WDR86: variants seen among roughly 807,000 people sequenced by gnomAD.
The protein encoded by WDR86 is WD repeat-containing protein 86.
WDR86 carries 30 observed loss-of-function variants against 36.5 expected under a neutral mutation model. The ratio of observed to expected loss-of-function variants is 0.82; its 90% CI spans 0.61 to 1.11. The LOEUF is 1.11. WDR86 is among the 50% of genes most tolerant of loss of function. The pLI, the probability that WDR86 is intolerant of heterozygous loss-of-function variation, is 0.00. For missense variants in WDR86, 545 were observed against 561.2 expected (o/e 0.97, Z 0.29); for synonymous variants, 255 against 252.9 (o/e 1.01, Z -0.08).
At chr7:151,370,733 C>G in the WDR86 span, among the ~76,000 whole-genome samples, 1 of 146,472 alleles carries the variant, frequency 6.8e-6, no homozygotes, top group African/African-American at 2.5e-5. Flanking sequence ...GTGATGTCCC[C>G]CTTCCTGTGT....
At chr7:151,373,032 C>T (rs1352048508), downstream of WDR86, among the ~76,000 whole-genome samples, 1 of 152,140 alleles carries the variant, frequency 6.6e-6, no homozygotes, top group African/African-American at 2.4e-5. Context: ...GAGTCTGGTT[C>T]CACAATGATG....
At position 151,409,661 on chromosome 7, in the gene WDR86, G is replaced by T; in HGVS notation, c.-72C>A. ...AGGGGCGCCCCGGGGTCCGCGCGGCGGCTCCGTACGACTGCGGCCCGCGGC... is the reference window on the plus strand; with the variant it reads ...AGGGGCGCCCCGGGGTCCGCGCGGCTGCTCCGTACGACTGCGGCCCGCGGC... On this transcript the variant is annotated 5_prime_UTR_variant, in exon 1 of 6. Transcript: ENST00000334493. This position sits in a 1 kb window ranked among gnomAD's most constrained non-coding sequence, Gnocchi z 5.2. 1 of 1,313,648 alleles carries T rather than the reference G, an allele frequency of 7.6e-7. No homozygotes were observed. Among genetic ancestry groups the T allele is most frequent in the South Asian group, 2.2e-5 (1 of 46,038 alleles). The allele number at this position is 1,313,648 out of a possible 1,614,324, so 81.4% of individuals were successfully genotyped here.
chr7:151,399,545 G>T (rs748318904), intron 2 of WDR86, among the ~76,000 whole-genome samples: 5 of 152,226 alleles, frequency 3.3e-5, no homozygotes, highest in Admixed American at 6.5e-5. Context: ...GTGTCCAACT[G>T]ATCTGATCAG....
At position 151,409,958 on chromosome 7, in the gene WDR86, C is replaced by A; in HGVS notation, c.-369G>T. ...AAGGAGCCCCCCGCCTCCTCTCGCG[C>A]CCACGGGGCTGGGGCGGGGAGAGGA... On this transcript the variant is annotated 5_prime_UTR_variant, in exon 1 of 6. Coordinates refer to ENST00000334493, the MANE Select transcript of WDR86 (RefSeq NM_198285.3). This position sits in a 1 kb window ranked among gnomAD's most constrained non-coding sequence, Gnocchi z 5.2. The A allele has an allele frequency of 9.7e-7, 1 of 1,028,754 alleles. No individual in the cohort carries two copies. The highest frequency in any genetic ancestry group is 1.2e-6 in the Non-Finnish European group (1 of 858,968). 63.7% of individuals were successfully genotyped at this position (1,028,754 alleles called of 1,614,324 possible).
In WDR86 at chr7:151,406,253, G is replaced by A. The variant is rs889715253; in HGVS notation, c.163+3174C>T. On this transcript the variant is annotated intron_variant, in intron 1 of 5. Coordinates refer to ENST00000334493, the MANE Select transcript of WDR86 (RefSeq NM_198285.3). The surrounding 1 kb of genome is among the most constrained non-coding windows in gnomAD (Gnocchi z 4.4). ...GAGCAGCACCTCACCCACCAACCCCGCACGCCACAGGGAACGGCCTTCACT... is the reference window on the plus strand; with the variant it reads ...GAGCAGCACCTCACCCACCAACCCCACACGCCACAGGGAACGGCCTTCACT... 2.0e-5 allele frequency among the ~76,000 whole-genome samples: 3 copies of A among 152,010 alleles called. No individual in the cohort carries two copies. Among genetic ancestry groups the A allele is most frequent in the Non-Finnish European group, 4.4e-5 (3 of 67,986 alleles).
rs370176396 is a variant in WDR86 at position 151,385,102 on chromosome 7, T to C, written c.848A>G (p.Tyr283Cys). The C allele has an allele frequency of 1.0e-4, 165 of 1,607,508 alleles. No individual in the cohort carries two copies. Among genetic ancestry groups the C allele is most frequent in the Non-Finnish European group, 1.3e-4 (153 of 1,176,798 alleles). Residue 283 changes from tyrosine (Y) to cysteine (C), a missense_variant, in exon 4 of 6, where the codon TAC (tyrosine) becomes TGC (cysteine). Coordinates refer to ENST00000334493, the MANE Select transcript of WDR86 (RefSeq NM_198285.3). ...AHRRNVSALK[Y>C]HAGTLFTGSG... ...AAGTCACTTACAGGTGCCCGCGTGG[T>C]ACTTGAGGGCGCTCACGTTGCGTCT... is the stretch of plus-strand genomic sequence containing the variant.
rs906947688 is a variant in WDR86, at chr7:151,405,716, C to T, written c.163+3711G>A. ...AGGCTGCTGTGGCTCTTGTCACCAG[C>T]GTGCCGCAGGCCTCCTTCAGCCCAG... is the stretch of plus-strand genomic sequence containing the variant. On this transcript the variant is annotated intron_variant, in intron 1 of 5. Transcript: ENST00000334493. The surrounding 1 kb of genome is among the most constrained non-coding windows in gnomAD (Gnocchi z 4.7). 2.0e-5 allele frequency among the ~76,000 whole-genome samples: 3 copies of T among 152,182 alleles called. No individual in the cohort carries two copies. Among genetic ancestry groups the T allele is most frequent in the South Asian group, 4.1e-4 (2 of 4,832 alleles).
rs756349543 is a variant in WDR86 at position 151,381,250 on chromosome 7, G to C, written c.*332C>G. ...CTCTCAGCAGGAAAGGCCCAGTTTC[G>C]TGGGGCTGGGGGAGCTGGGGCAGTC... On this transcript the variant is annotated 3_prime_UTR_variant, in exon 6 of 6. Transcript: ENST00000334493. This position sits in a 1 kb window ranked among gnomAD's most constrained non-coding sequence, Gnocchi z 4.8. 1.3e-5 allele frequency: 17 copies of C among 1,299,570 alleles called. No individual in the cohort carries two copies. The highest frequency in any genetic ancestry group is 1.7e-5 in the Non-Finnish European group (17 of 1,028,300). The allele number at this position is 1,299,570 out of a possible 1,614,324, so 80.5% of individuals were successfully genotyped here.
At chr7:151,376,317 C>T (rs555293575), downstream of WDR86, 11 of 482,396 alleles carry the variant, frequency 2.3e-5, no homozygotes, top group East Asian at 2.2e-4. Flanking sequence ...CCCCTACACG[C>T]GTTAGCACGC....
At chr7:151,393,928 A>T (rs1424821107) in intron 3 of WDR86, among the ~76,000 whole-genome samples, 1 of 152,140 alleles carries the variant, frequency 6.6e-6, no homozygotes, top group African/African-American at 2.4e-5. Context: ...ACGCCCCTTC[A>T]GCATAAGGAT....
rs538512843 is a variant in WDR86 at position 151,395,973 on chromosome 7, C to G, written c.529G>C (p.Val177Leu). Residue 177 changes from valine (V) to leucine (L), a missense_variant, in exon 3 of 6, where the codon GTG (valine) becomes CTG (leucine). By Grantham distance (32) the Val-to-Leu change is conservative. Transcript: ENST00000334493. Reference sequence around the variant, plus strand: ...CAGCAGCCGCTGGCCACCTGCCACACCTTGGCTGTGCCATCTGTGCTGCCG... The same window carrying G: ...CAGCAGCCGCTGGCCACCTGCCACAGCTTGGCTGTGCCATCTGTGCTGCCG... ...VTGSTDGTAK[V>L]WQVASGCCHQ... 1 of 1,596,790 alleles carries G rather than the reference C, an allele frequency of 6.3e-7. No individual in the cohort carries two copies. Among genetic ancestry groups the G allele is most frequent in the Admixed American group, 1.7e-5 (1 of 58,028 alleles).
At chr7:151,378,387 C>T (rs977607643), downstream of WDR86, 2 of 152,198 alleles carry the variant, frequency 1.3e-5, no homozygotes, top group Non-Finnish European at 1.5e-5. Context: ...TGGGAATCTT[C>T]TTGTCATTCT....
At chr7:151,376,298 A>G, downstream of WDR86, 1 of 475,342 alleles carries the variant, frequency 2.1e-6, no homozygotes, top group South Asian at 2.4e-5. Flanking sequence ...GGCTCTGTCC[A>G]CATTTGTGCC....
chr7:151,408,944 C>T, intron 1 of WDR86: 2 of 472,504 alleles, frequency 4.2e-6, no homozygotes, highest in Non-Finnish European at 8.8e-6. Context: ...GACGACGGCA[C>T]ACTTCTCCGC....
Position 151,385,242 on chromosome 7 carries a change from A to T in WDR86, c.727-19T>A. 1.9e-6 allele frequency: 3 copies of T among 1,609,060 alleles called. No individual in the cohort carries two copies. The highest frequency in any genetic ancestry group is 2.2e-5 in the South Asian group (2 of 91,064). On this transcript the variant is annotated intron_variant, in intron 3 of 5. Transcript: ENST00000334493. Reference sequence around the variant, plus strand: ...TCACCAGCTGCGAGGAGGAGCAGGGAAGGTCGGCAGCTGGGGCAGCTCTGA... The same window carrying T: ...TCACCAGCTGCGAGGAGGAGCAGGGTAGGTCGGCAGCTGGGGCAGCTCTGA...
chr7:151,372,509 CTGTAT>C (rs1367615599), downstream of WDR86, among the ~76,000 whole-genome samples: 1 of 152,124 alleles, frequency 6.6e-6, no homozygotes, highest in African/African-American at 2.4e-5. Flanking sequence ...ATGGAAGAAA[CTGTAT>C]TGAAAGCAGA....
downstream of WDR86, among the ~76,000 whole-genome samples, chr7:151,372,648 G>A (rs189285116): frequency 1.8e-4 from 28 of 152,278 alleles, no homozygotes; most frequent in East Asian, 3.9e-3. Context: ...GGTCAGTTTC[G>A]AAGCATTGTT....
chr7:151,381,629 A>T lies in WDR86; in HGVS notation c.1084T>A (p.Phe362Ile). Residue 362 changes from phenylalanine to isoleucine, a missense_variant, in exon 6 of 6, where the codon TTC (phenylalanine) becomes ATC (isoleucine). Coordinates refer to ENST00000334493, the MANE Select transcript of WDR86 (RefSeq NM_198285.3). This position sits in a 1 kb window ranked among gnomAD's most constrained non-coding sequence, Gnocchi z 4.8. ...GCGGCGCAGCCCACCTTGTTGCTGA[A>T]GAGCCGCGAGAGGCTGCGCATGGGC... is the stretch of plus-strand genomic sequence containing the variant. Reference protein sequence around the residue: ...PPPMRSLSRLFSNKVGCAAAP... With the variant: ...PPPMRSLSRLISNKVGCAAAP... 7.2e-7 allele frequency: 1 copy of T among 1,382,634 alleles called. No homozygotes were observed. Among genetic ancestry groups the T allele is most frequent in the Non-Finnish European group, 9.3e-7 (1 of 1,079,466 alleles). The allele number at this position is 1,382,634 out of a possible 1,614,324, so 85.6% of individuals were successfully genotyped here. A position where few individuals can be genotyped will look rare whatever the true frequency, so the allele number is the denominator to read the frequency against.
chr7:151,373,386 G>C (rs1798046777), downstream of WDR86, among the ~76,000 whole-genome samples: 1 of 152,174 alleles, frequency 6.6e-6, no homozygotes, highest in Admixed American at 6.5e-5. Flanking sequence ...AAAATAAATT[G>C]GGAACTCTCC....
Sources: gnomAD v4.1 joint callset for allele counts (sites outside exome capture counted in the v4.1 genomes callset) on GRCh38, gnomAD v4.1.1 for gene constraint, Gnocchi (gnomAD v3.1) non-coding constraint, MANE v1.5 for transcripts, NCBI Gene and HGNC (gene_info 2026-07-23, HGNC 2026-07-21) for gene names.